The following MSX2 variants were observed in gnomAD, a reference collection of about 807,000 sequenced individuals.
MSX2 encodes the protein homeobox protein MSX-2.
Under a neutral mutation model 18.4 loss-of-function variants are expected in MSX2, and 10 were observed. The observed-to-expected ratio is 0.54, with a 90% confidence interval of 0.34 to 0.92. MSX2 has a LOEUF of 0.92. Among genes scored for constraint, MSX2 ranks in the 40% least tolerant of loss-of-function variants. The probability of loss-of-function intolerance (pLI) is 0.02; values close to 1 mark genes in which losing one functional copy is unlikely to be tolerated. For missense variants in MSX2, 339 were observed against 364.0 expected (o/e 0.93, Z 0.56); for synonymous variants, 170 against 165.6 (o/e 1.03, Z -0.20).
intron 1 of MSX2, among the ~76,000 whole-genome samples, chr5:174,725,447 C>G (rs1402031575): frequency 1.3e-5 from 2 of 152,188 alleles, no homozygotes; most frequent in Non-Finnish European, 2.9e-5. Context: ...GTTCAGTGAG[C>G]ACTTGGATGT....
chr5:174,729,269 A>AAACAGTACCTCT lies in MSX2; in HGVS notation c.491_502dup (p.Leu167_Ser168insTer). ...CGCCCTGGAGCGCAAGTTCCGTCAG[A>AAACAGTACCTCT]AACAGTACCTCTCCATTGCAGAGCG... On this transcript the variant is annotated stop_gained and inframe_insertion, in exon 2 of 2. Coordinates refer to ENST00000239243, the MANE Select transcript of MSX2 (RefSeq NM_002449.5). LOFTEE classifies it high-confidence loss of function. The AAACAGTACCTCT allele has an allele frequency of 6.2e-7, 1 of 1,614,188 alleles. No individual in the cohort carries two copies. Among genetic ancestry groups the AAACAGTACCTCT allele is most frequent in the Non-Finnish European group, 8.5e-7 (1 of 1,180,042 alleles).
At chr5:174,728,732 C>G (rs1187593001) in intron 1 of MSX2, among the ~76,000 whole-genome samples, 7 of 152,104 alleles carry the variant, frequency 4.6e-5, no homozygotes, top group Non-Finnish European at 2.9e-5. Context: ...CCACTTGATT[C>G]CCTTGTCTTA....
At position 174,724,584 on chromosome 5, in the gene MSX2, A is replaced by G; in HGVS notation, c.-76A>G. 1 of 1,536,072 alleles carries G rather than the reference A, an allele frequency of 6.5e-7. No individual in the cohort carries two copies. Among genetic ancestry groups the G allele is most frequent in the Non-Finnish European group, 8.8e-7 (1 of 1,138,394 alleles). On this transcript the variant is annotated 5_prime_UTR_variant, in exon 1 of 2. Coordinates refer to ENST00000239243, the MANE Select transcript of MSX2 (RefSeq NM_002449.5). ...CCCAGCGCGCCCCTCCCGTCTCCGC[A>G]GCAAAAAAGTTTGAGTCGCCGCTGC...
chr5:174,726,920 G>A (rs541069473), intron 1 of MSX2, among the ~76,000 whole-genome samples: 19 of 152,272 alleles, frequency 1.2e-4, no homozygotes, highest in South Asian at 1.2e-3. Flanking sequence ...TCTCTGCCCT[G>A]TGCTCAAGCT....
At chr5:174,726,292 A>G (rs1417542833) in intron 1 of MSX2, among the ~76,000 whole-genome samples, 2 of 152,198 alleles carry the variant, frequency 1.3e-5, no homozygotes, top group South Asian at 2.1e-4. Flanking sequence ...CACTATTTAC[A>G]TCATTCAGCC....
intron 1 of MSX2, among the ~76,000 whole-genome samples, chr5:174,727,871 A>G (rs1760837588): frequency 6.6e-6 from 1 of 152,224 alleles, no homozygotes; most frequent in South Asian, 2.1e-4. Flanking sequence ...TTGGGCCACC[A>G]AAGTAACTAA....
chr5:174,726,793 C>T (rs1353297279), intron 1 of MSX2, among the ~76,000 whole-genome samples: 3 of 152,084 alleles, frequency 2.0e-5, no homozygotes, highest in East Asian at 1.9e-4. Context: ...ACATAGCCTA[C>T]GCCTATGCCC....
chr5:174,728,988 TG>T (rs1760863287), intron 1 of MSX2, among the ~76,000 whole-genome samples, 170 bp from the exon 2 acceptor site: 1 of 147,856 alleles, frequency 6.8e-6, no homozygotes, highest in Non-Finnish European at 1.5e-5. Context: ...TGTGTGTGTG[TG>T]TGTGTGTATA....
At position 174,725,037 on chromosome 5, in the gene MSX2, A is replaced by C; in HGVS notation, c.378A>C (p.Pro126=). 6.2e-7 allele frequency: 1 copy of C among 1,610,374 alleles called. No homozygotes were observed. The part of the protein sequence containing the change: ...MQEPGRYSPP[P]RHMSPTTCTL... ...AACCCGGCCGATATTCGCCGCCGCC[A>C]AGTGAGTGCGCGCCGGGGCAGGAGT... The change falls in exon 1 of 2, where the codon CCA becomes CCC. Residue 126 remains proline, a splice_region_variant and synonymous_variant. Coordinates refer to ENST00000239243, the MANE Select transcript of MSX2 (RefSeq NM_002449.5).
At position 174,729,427 on chromosome 5, in the gene MSX2, G is replaced by T; in HGVS notation, c.648G>T (p.Leu216=). The T allele has an allele frequency of 6.2e-7, 1 of 1,614,104 alleles. No homozygotes were observed. Among genetic ancestry groups the T allele is most frequent in the East Asian group, 2.2e-5 (1 of 44,882 alleles). ...EKLKMAAKPM[L]PSSFSLPFPI... is the part of the protein sequence containing the mutation. ...TGAAAATGGCTGCAAAACCTATGCT[G>T]CCCTCCAGCTTCAGTCTCCCTTTCC... The change falls in exon 2 of 2, where the codon CTG becomes CTT. Residue 216 remains leucine (L), a synonymous_variant. Coordinates refer to ENST00000239243, the MANE Select transcript of MSX2 (RefSeq NM_002449.5).
rs1488698624 is a variant in MSX2 at position 174,730,507 on chromosome 5, T to A, written c.*924T>A. 6.6e-6 allele frequency: 1 copy of A among 152,620 alleles called. No individual in the cohort carries two copies. Among genetic ancestry groups the A allele is most frequent in the Non-Finnish European group, 1.5e-5 (1 of 68,038 alleles). 9.5% of individuals were successfully genotyped at this position (152,620 alleles called of 1,614,324 possible). Reference sequence around the variant, plus strand: ...TTTGGGTGGGGGTTTAGTAATTTTCTGCTTAAAAAATGAGTATCTTGTAAC... The same window carrying A: ...TTTGGGTGGGGGTTTAGTAATTTTCAGCTTAAAAAATGAGTATCTTGTAAC... On this transcript the variant is annotated 3_prime_UTR_variant, in exon 2 of 2. Transcript: ENST00000239243.
rs748786766 is a variant in MSX2, at chr5:174,724,953, C to G, written c.294C>G (p.Pro98=). 1.3e-6 allele frequency: 2 copies of G among 1,598,172 alleles called. No individual in the cohort carries two copies. Among genetic ancestry groups the G allele is most frequent in the South Asian group, 2.3e-5 (2 of 88,096 alleles). ...EAHSPGPLVK[P]FETASVKSEN... ...ACAGCCCCGGGCCGCTGGTGAAGCC[C>G]TTCGAGACCGCCTCGGTCAAGTCGG... The change falls in exon 1 of 2, where the codon CCC becomes CCG. Residue 98 remains proline (P), a synonymous_variant. Transcript: ENST00000239243.
In MSX2 at chr5:174,729,477, C is replaced by T. The variant is rs138053303; in HGVS notation, c.698C>T (p.Ala233Val). 106 of 1,613,894 alleles carry T rather than the reference C, an allele frequency of 6.6e-5. No homozygotes were observed. The highest frequency in any genetic ancestry group is 3.3e-4 in the Middle Eastern group (2 of 6,076). ...CCCATCAGCTCGCCCCTGCAGGCAG[C>T]GTCCATATATGGAGCATCCTACCCG... Reference protein sequence around the residue: ...PFPISSPLQAASIYGASYPFH... With the variant: ...PFPISSPLQAVSIYGASYPFH... The change falls in exon 2 of 2, where the codon GCG becomes GTG. Residue 233 changes from alanine to valine, a missense_variant. By Grantham distance (64) the Ala-to-Val change is moderately conservative. This residue lies in a region of MSX2 where 128 missense variants were observed against 178.6 expected (regional missense o/e 0.72). Coordinates refer to ENST00000239243, the MANE Select transcript of MSX2 (RefSeq NM_002449.5).
intron 1 of MSX2, among the ~76,000 whole-genome samples, chr5:174,727,956 C>T (rs976913027): frequency 3.9e-5 from 6 of 152,274 alleles, no homozygotes; most frequent in Non-Finnish European, 8.8e-5. Flanking sequence ...TAGCATAGCT[C>T]GTAAAAGCCA....
chr5:174,725,361 G>A lies in MSX2; in HGVS notation c.379+323G>A, dbSNP rs533800656. 3.3e-5 allele frequency among the ~76,000 whole-genome samples: 5 copies of A among 152,184 alleles called. No individual in the cohort carries two copies. In the South Asian group the frequency reaches 1.0e-3, roughly 32 times the overall value. ...CCGTTTCTACAGCCCTCGGCCCTGC[G>A]CTCTGGCCACTTGGCTTGTTTTTGT... is the stretch of plus-strand genomic sequence containing the variant. On this transcript the variant is annotated intron_variant, in intron 1 of 1. Transcript: ENST00000239243.
Position 174,725,015 on chromosome 5 carries a change from C to A in MSX2, c.356C>A (p.Pro119His), listed in dbSNP as rs777537313. ...SEDGAAWMQE[P>H]GRYSPPPRHM... ...GATGGAGCGGCGTGGATGCAGGAACCCGGCCGATATTCGCCGCCGCCAAGT... is the reference window on the plus strand; with the variant it reads ...GATGGAGCGGCGTGGATGCAGGAACACGGCCGATATTCGCCGCCGCCAAGT... Residue 119 changes from proline (P) to histidine (H), a missense_variant, in exon 1 of 2, where the codon CCC (proline) becomes CAC (histidine). Physicochemically the swap from Pro to His is moderately conservative, Grantham distance 77. Coordinates refer to ENST00000239243, the MANE Select transcript of MSX2 (RefSeq NM_002449.5). 6.2e-7 allele frequency: 1 copy of A among 1,610,648 alleles called. No homozygotes were observed.
chr5:174,725,092 G>A, intron 1 of MSX2, 54 bp downstream of exon 1: 1 of 1,595,750 alleles, frequency 6.3e-7, no homozygotes, highest in African/African-American at 1.3e-5. Flanking sequence ...TGGAGGGAGC[G>A]GGGGGCGGGT....
At chr5:174,725,096 G>T in intron 1 of MSX2, 58 bp downstream of exon 1, 3 of 1,594,524 alleles carry the variant, frequency 1.9e-6, no homozygotes, top group Non-Finnish European at 2.6e-6. Flanking sequence ...GGGAGCGGGG[G>T]GCGGGTGTTC....
chr5:174,729,362 G>A lies in MSX2; in HGVS notation c.583G>A (p.Ala195Thr). The change falls in exon 2 of 2, where the codon GCC becomes ACC. Residue 195 changes from alanine (A) to threonine (T), a missense_variant. This residue lies in a region of MSX2 where 128 missense variants were observed against 178.6 expected (regional missense o/e 0.72). Coordinates refer to ENST00000239243, the MANE Select transcript of MSX2 (RefSeq NM_002449.5). ...CAAAATCTGGTTCCAGAACCGAAGGGCCAAGGCGAAAAGACTGCAGGAGGC... is the reference window on the plus strand; with the variant it reads ...CAAAATCTGGTTCCAGAACCGAAGGACCAAGGCGAAAAGACTGCAGGAGGC... The part of the protein sequence containing the change: ...QVKIWFQNRR[A>T]KAKRLQEAEL... 1 of 1,614,148 alleles carries A rather than the reference G, an allele frequency of 6.2e-7. No homozygotes were observed. The highest frequency in any genetic ancestry group is 8.5e-7 in the Non-Finnish European group (1 of 1,180,038).
Sources: gnomAD v4.1 joint callset for allele counts (sites outside exome capture counted in the v4.1 genomes callset) on GRCh38, gnomAD v4.1.1 for gene constraint, gnomAD v4.1.1 regional missense constraint, MANE v1.5 for transcripts, NCBI Gene and HGNC (gene_info 2026-07-23, HGNC 2026-07-21) for gene names.